Variants in EPB41L5 observed in about 807,000 individuals in gnomAD.
EPB41L5 encodes the protein band 4.1-like protein 5.
A neutral mutation model predicts 106.6 loss-of-function variants in EPB41L5; 55 were observed. The observed-to-expected ratio is 0.52, with a 90% CI of 0.42 to 0.65. EPB41L5 has a LOEUF of 0.65. Ranked by LOEUF, EPB41L5 falls within the 30% of genes least tolerant of loss-of-function variation. The pLI, the probability that EPB41L5 is intolerant of heterozygous loss-of-function variation, is 0.00. For synonymous variants in EPB41L5, 297 were observed against 306.7 expected, an observed-to-expected ratio of 0.97 and a Z score of 0.33; for missense variants, 871 against 882.1, an observed-to-expected ratio of 0.99 and a Z score of 0.16.
At chr2:120,131,408 G>A (rs1477841533) in intron 17 of EPB41L5, among the ~76,000 whole-genome samples, 1 of 152,132 alleles carries the variant, frequency 6.6e-6, no homozygotes, top group Non-Finnish European at 1.5e-5. Context: ...ATATAGGGTG[G>A]TGTTTCTACT....
chr2:120,131,214 G>A (rs1685671273), intron 17 of EPB41L5, among the ~76,000 whole-genome samples: 1 of 152,200 alleles, frequency 6.6e-6, no homozygotes, highest in African/African-American at 2.4e-5. Context: ...TTAGGCAGTA[G>A]TCAGGGCCAA....
chr2:120,150,485 C>A (rs543170223), intron 20 of EPB41L5, among the ~76,000 whole-genome samples: 25 of 151,326 alleles, frequency 1.7e-4, no homozygotes, highest in Non-Finnish European at 2.5e-4. Context: ...CCCTGCCCAG[C>A]TAATTTAAAA....
intron 12 of EPB41L5, among the ~76,000 whole-genome samples, chr2:120,090,808 T>C (rs901612767): frequency 5.9e-5 from 9 of 152,202 alleles, no homozygotes; most frequent in African/African-American, 1.7e-4. Flanking sequence ...TTATGGACTC[T>C]CCACCCACCA....
chr2:120,064,812 C>T (rs1384659090), intron 3 of EPB41L5, among the ~76,000 whole-genome samples: 3 of 152,174 alleles, frequency 2.0e-5, no homozygotes, highest in Non-Finnish European at 4.4e-5. Flanking sequence ...AAGGAAAACA[C>T]TATCAGTGCC....
At chr2:120,020,258 G>A (rs894486227) in intron 2 of EPB41L5, among the ~76,000 whole-genome samples, 1 of 152,138 alleles carries the variant, frequency 6.6e-6, no homozygotes, top group Non-Finnish European at 1.5e-5. Context: ...GATAGCCTAC[G>A]TGCTGCTGTA....
intron 2 of EPB41L5, among the ~76,000 whole-genome samples, chr2:120,025,953 A>G (rs1229029942): frequency 2.2e-4 from 33 of 152,218 alleles, no homozygotes; most frequent in Admixed American, 2.0e-3. Flanking sequence ...GTGGAACAGA[A>G]TAGAGAACCC....
chr2:120,078,356 T>G, intron 9 of EPB41L5, 137 bp from the exon 10 acceptor site: 1 of 420,264 alleles, frequency 2.4e-6, no homozygotes, highest in East Asian at 4.0e-5. Context: ...CTCTAATTGT[T>G]GAAAACATCT....
At chr2:120,029,913 A>T (rs1383042547) in intron 2 of EPB41L5, among the ~76,000 whole-genome samples, 1 of 152,204 alleles carries the variant, frequency 6.6e-6, no homozygotes, top group Non-Finnish European at 1.5e-5. Context: ...GCCCGTCAGC[A>T]GGAAGAAGCC....
rs181362170 is a variant in EPB41L5 at position 120,163,758 on chromosome 2, C to T, written c.1888-1078C>T. On this transcript the variant is annotated intron_variant, in intron 21 of 24. Transcript: ENST00000263713. ...TCACTTGAACCCAGGAGTTCAAGAC[C>T]GGCCTGGGCAACATAAGTGAGACCC... 5.8e-3 allele frequency among the ~76,000 whole-genome samples: 880 copies of T among 151,390 alleles called. 10 individuals carry two copies. The highest frequency in any genetic ancestry group is 0.02 in the African/African-American group (843 of 41,280).
Position 120,178,978 on chromosome 2 carries a change from A to G in EPB41L5, c.*4071A>G, listed in dbSNP as rs1283119358. ...TGCAGTAGCATTTAAAGTGTAATTT[A>G]TTTTTCTATCAAGTGCACTATTCAT... On this transcript the variant is annotated 3_prime_UTR_variant, in exon 25 of 25. Transcript: ENST00000263713. 1 of 152,062 alleles carries G rather than the reference A, an allele frequency of 6.6e-6. No individual in the cohort carries two copies. The highest frequency in any genetic ancestry group is 1.9e-4 in the East Asian group (1 of 5,190). 9.4% of individuals were successfully genotyped at this position (152,062 alleles called of 1,614,324 possible).
intron 16 of EPB41L5, among the ~76,000 whole-genome samples, chr2:120,113,653 T>C: frequency 6.6e-6 from 1 of 152,232 alleles, no homozygotes; most frequent in East Asian, 1.9e-4. Context: ...TCTTTCCTAT[T>C]AGCAGTTACT....
intron 9 of EPB41L5, 131 bp downstream of exon 9, chr2:120,077,447 T>A: frequency 1.8e-6 from 1 of 562,300 alleles, no homozygotes. Flanking sequence ...GATGTATGGT[T>A]AAAAAGTTTG....
chr2:120,073,744 G>T (rs539273080), intron 4 of EPB41L5, among the ~76,000 whole-genome samples: 7 of 152,128 alleles, frequency 4.6e-5, no homozygotes, highest in African/African-American at 1.7e-4. Flanking sequence ...TGAACTTGCT[G>T]AATTGTATTT....
At position 120,159,855 on chromosome 2, in the gene EPB41L5, G is replaced by A. The variant is rs182817949; in HGVS notation, c.1794-1026G>A. ...TGGCAGACTGGATTTTTAAAATGTG[G>A]TATGTACACACCTTGAAATACTGTG... On this transcript the variant is annotated intron_variant, in intron 20 of 24. Transcript: ENST00000263713. Among the ~76,000 whole-genome samples the A allele has an allele frequency of 7.2e-5, 11 of 152,272 alleles. No individual in the cohort carries two copies. In the East Asian group the frequency reaches 2.1e-3, roughly 29 times the overall value.
chr2:120,015,840 G>T (rs1677478933), intron 1 of EPB41L5, among the ~76,000 whole-genome samples: 1 of 151,320 alleles, frequency 6.6e-6, no homozygotes, highest in Admixed American at 6.6e-5. Flanking sequence ...GCCCTAGGTG[G>T]GAGAATCCCT....
At chr2:120,028,589 A>G (rs192348723) in intron 2 of EPB41L5, among the ~76,000 whole-genome samples, 2 of 152,240 alleles carry the variant, frequency 1.3e-5, no homozygotes. Context: ...GTTACAGAAG[A>G]AAAAATCATG....
chr2:120,022,107 A>G (rs189114282), intron 2 of EPB41L5, among the ~76,000 whole-genome samples: 2 of 152,364 alleles, frequency 1.3e-5, no homozygotes, highest in Admixed American at 1.3e-4. Flanking sequence ...GTATTGGTAA[A>G]TAGCTTTAAT....
At chr2:120,150,256 T>C (rs181503617) in intron 20 of EPB41L5, among the ~76,000 whole-genome samples, 1 of 152,310 alleles carries the variant, frequency 6.6e-6, no homozygotes, top group East Asian at 1.9e-4. Context: ...TTTTTTCATG[T>C]GTTTGTTGGC....
chr2:120,140,970 T>C (rs566001389), intron 18 of EPB41L5, among the ~76,000 whole-genome samples: 1 of 152,214 alleles, frequency 6.6e-6, no homozygotes, highest in African/African-American at 2.4e-5. Flanking sequence ...AAGCATGATT[T>C]GTTGGATGAC....
Sources: allele counts gnomAD v4.1 joint callset (sites outside exome capture counted in the v4.1 genomes callset), GRCh38; gene constraint gnomAD v4.1.1; transcripts MANE v1.5; gene names NCBI Gene and HGNC (gene_info 2026-07-23, HGNC 2026-07-21).